Variants in ZC3H7B observed in about 807,000 individuals in gnomAD.
ZC3H7B encodes the protein zinc finger CCCH-type containing 7B.
ZC3H7B carries 35 observed loss-of-function variants against 116.0 expected under a neutral mutation model. The observed-to-expected ratio is 0.30, with a 90% CI of 0.23 to 0.40. The LOEUF is 0.40. ZC3H7B is among the 10% of genes least tolerant of loss of function. ZC3H7B has a pLI of 1.00. For synonymous variants in ZC3H7B, 502 were observed against 545.6 expected (o/e 0.92, Z 1.11); for missense variants, 1,011 against 1,321.5 (o/e 0.77, Z 3.64).
At chr22:41,306,935 G>A (rs942945479) in intron 1 of ZC3H7B, among the ~76,000 whole-genome samples, 29 of 151,468 alleles carry the variant, frequency 1.9e-4, no homozygotes, top group African/African-American at 3.4e-4. Context: ...TGGGCTGTGC[G>A]TCAGCCCCCA....
Position 41,346,235 on chromosome 22 carries a change from C to G in ZC3H7B, c.1665+27C>G. 6.2e-7 allele frequency: 1 copy of G among 1,602,566 alleles called. No homozygotes were observed. The highest frequency in any genetic ancestry group is 8.5e-7 in the Non-Finnish European group (1 of 1,178,034). On this transcript the variant is annotated intron_variant, in intron 14 of 22. Coordinates refer to ENST00000352645, the MANE Select transcript of ZC3H7B (RefSeq NM_017590.6). The surrounding 1 kb of genome is among the most constrained non-coding windows in gnomAD (Gnocchi z 5.3). Reference sequence around the variant, plus strand: ...TACTGCCCACCCACCCACTGCCACCCCATAGGCCATGGCACAGACAGGGCT... The same window carrying G: ...TACTGCCCACCCACCCACTGCCACCGCATAGGCCATGGCACAGACAGGGCT...
At position 41,327,249 on chromosome 22, in the gene ZC3H7B, G is replaced by C; in HGVS notation, c.329G>C (p.Gly110Ala). ...KALEDSEKAL[G>A]LDSESIRALF... ...CTGGAGGACAGCGAGAAGGCGCTGG[G>C]CCTGGACAGTGAGAGTATCCGGGCG... Residue 110 changes from glycine to alanine, a missense_variant, in exon 5 of 23, where the codon GGC becomes GCC. Gly to Ala is a moderately conservative substitution (Grantham distance 60). Around this residue, in one of 5 missense-constraint regions of ZC3H7B, gnomAD observed 322 missense variants for 443.9 expected, o/e 0.73. Coordinates refer to ENST00000352645, the MANE Select transcript of ZC3H7B (RefSeq NM_017590.6). The surrounding 1 kb of genome is among the most constrained non-coding windows in gnomAD (Gnocchi z 4.5). 1 of 1,614,100 alleles carries C rather than the reference G, an allele frequency of 6.2e-7. No individual in the cohort carries two copies. Among genetic ancestry groups the C allele is most frequent in the Non-Finnish European group, 8.5e-7 (1 of 1,180,046 alleles).
chr22:41,338,236 C>G lies in ZC3H7B; in HGVS notation c.583-77C>G. 3 of 1,493,648 alleles carry G rather than the reference C, an allele frequency of 2.0e-6. No homozygotes were observed. Among genetic ancestry groups the G allele is most frequent in the Non-Finnish European group, 2.8e-6 (3 of 1,088,100 alleles). The allele number at this position is 1,493,648 out of a possible 1,614,324, so 92.5% of individuals were successfully genotyped here. A position where few individuals can be genotyped will look rare whatever the true frequency, so the allele number is the denominator to read the frequency against. On this transcript the variant is annotated intron_variant, in intron 7 of 22. Transcript: ENST00000352645. The surrounding 1 kb of genome is among the most constrained non-coding windows in gnomAD (Gnocchi z 4.5). ...CGGTGCTGGGTCAACAGCATAGTCACGTGGGGAGGGGCTGGTGCTGGGTGC... is the reference window on the plus strand; with the variant it reads ...CGGTGCTGGGTCAACAGCATAGTCAGGTGGGGAGGGGCTGGTGCTGGGTGC...
chr22:41,338,225 C>A lies in ZC3H7B; in HGVS notation c.583-88C>A. 1 of 1,422,144 alleles carries A rather than the reference C, an allele frequency of 7.0e-7. No homozygotes were observed. 88.1% of individuals were successfully genotyped at this position (1,422,144 alleles called of 1,614,324 possible). On this transcript the variant is annotated intron_variant, in intron 7 of 22. Transcript: ENST00000352645. The surrounding 1 kb of genome is among the most constrained non-coding windows in gnomAD (Gnocchi z 4.5). ...TAAGTGCTCCTCGGTGCTGGGTCAA[C>A]AGCATAGTCACGTGGGGAGGGGCTG...
At chr22:41,310,207 A>G (rs1213940394) in intron 1 of ZC3H7B, among the ~76,000 whole-genome samples, 1 of 152,128 alleles carries the variant, frequency 6.6e-6, no homozygotes, top group Non-Finnish European at 1.5e-5. Context: ...TCCGTAAATC[A>G]ACATTGAGTG....
chr22:41,342,775 G>T, intron 12 of ZC3H7B, 147 bp downstream of exon 12: 2 of 804,016 alleles, frequency 2.5e-6, no homozygotes, highest in East Asian at 2.7e-5. Flanking sequence ...AAAGGAAAGG[G>T]GCAGGAGTTT....
In ZC3H7B at chr22:41,343,580, G is replaced by A. The variant is rs369068790; in HGVS notation, c.1459+4G>A. 1 of 1,592,862 alleles carries A rather than the reference G, an allele frequency of 6.3e-7. No homozygotes were observed. The highest frequency in any genetic ancestry group is 1.3e-5 in the African/African-American group (1 of 74,636). ...GGCTCCTACTACCTGTGCAAAGGTG[G>A]GTGGGCTGCAGCGGGGCAGGCAGCA... On this transcript the variant is annotated splice_donor_region_variant and intron_variant, in intron 13 of 22. Coordinates refer to ENST00000352645, the MANE Select transcript of ZC3H7B (RefSeq NM_017590.6).
chr22:41,318,317 C>G (rs891540256), intron 1 of ZC3H7B, among the ~76,000 whole-genome samples: 9 of 152,130 alleles, frequency 5.9e-5, no homozygotes, highest in Non-Finnish European at 1.3e-4. Flanking sequence ...ATCACGAGCT[C>G]AGGAGATCAA....
In ZC3H7B at chr22:41,346,751, G is replaced by A. The variant is rs2145936162; in HGVS notation, c.1665+543G>A. Among the ~76,000 whole-genome samples the A allele has an allele frequency of 6.6e-6, 1 of 152,236 alleles. No homozygotes were observed. Among genetic ancestry groups the A allele is most frequent in the African/African-American group, 2.4e-5 (1 of 41,532 alleles). On this transcript the variant is annotated intron_variant, in intron 14 of 22. Coordinates refer to ENST00000352645, the MANE Select transcript of ZC3H7B (RefSeq NM_017590.6). The surrounding 1 kb of genome is among the most constrained non-coding windows in gnomAD (Gnocchi z 5.3). ...GAATCACTTGAACTGGGGAGGCAAA[G>A]GTTGCAGTGAGCCGAGATCGCGCAA...
chr22:41,344,572 G>A (rs561910041), intron 13 of ZC3H7B, among the ~76,000 whole-genome samples: 4 of 152,214 alleles, frequency 2.6e-5, no homozygotes, highest in South Asian at 2.1e-4. Context: ...CCTTCTCTGC[G>A]GTGCTTCCCC....
At chr22:41,320,611 C>T (rs2036243152) in intron 1 of ZC3H7B, 44 bp from the exon 2 acceptor site, 1 of 1,612,022 alleles carries the variant, frequency 6.2e-7, no homozygotes, top group Non-Finnish European at 8.5e-7. Context: ...TGACGGCAGC[C>T]TGGCTCTTGC....
In ZC3H7B at chr22:41,345,949, C is replaced by T. The variant is rs563236889; in HGVS notation, c.1460-54C>T. ...AGGCCGCAGCGGGGTGGCGAGGGTGCTGCGGGCTGCTATCCCCGCCTGGCG... is the reference window on the plus strand; with the variant it reads ...AGGCCGCAGCGGGGTGGCGAGGGTGTTGCGGGCTGCTATCCCCGCCTGGCG... On this transcript the variant is annotated intron_variant, in intron 13 of 22. Coordinates refer to ENST00000352645, the MANE Select transcript of ZC3H7B (RefSeq NM_017590.6). 14 of 1,587,846 alleles carry T rather than the reference C, an allele frequency of 8.8e-6. No individual in the cohort carries two copies. In the African/African-American group the frequency reaches 1.9e-4, roughly 21 times the overall value.
chr22:41,308,534 T>A (rs1442696299), intron 1 of ZC3H7B, among the ~76,000 whole-genome samples: 1 of 152,198 alleles, frequency 6.6e-6, no homozygotes, highest in Non-Finnish European at 1.5e-5. Flanking sequence ...TATTCCTGAA[T>A]CTTCTTCACT....
At chr22:41,348,938 C>A (rs2036622680) in intron 15 of ZC3H7B, among the ~76,000 whole-genome samples, 182 bp from the exon 16 acceptor site, 1 of 152,096 alleles carries the variant, frequency 6.6e-6, no homozygotes, top group Non-Finnish European at 1.5e-5. Context: ...GGACCCAGGC[C>A]CAGGGGTGCC....
intron 12 of ZC3H7B, 133 bp from the exon 13 acceptor site, chr22:41,343,282 G>A (rs2036543811): frequency 2.6e-6 from 3 of 1,169,366 alleles, no homozygotes; most frequent in Non-Finnish European, 3.6e-6. Context: ...TGTGGTGGGA[G>A]CTGGCAGGAG....
In ZC3H7B at chr22:41,338,343, G is replaced by T. The variant is rs1219999739; in HGVS notation, c.613G>T (p.Asp205Tyr). Residue 205 changes from aspartate (D) to tyrosine (Y), a missense_variant, in exon 8 of 23, where the codon GAC becomes TAC. Coordinates refer to ENST00000352645, the MANE Select transcript of ZC3H7B (RefSeq NM_017590.6). The surrounding 1 kb of genome is among the most constrained non-coding windows in gnomAD (Gnocchi z 4.5). ...TTCTAATGGATTGGGGTCCATAGAT[G>T]ACATCGAAACAGGTAATGTCCCCGA... ...GTSNGLGSID[D>Y]IETDCYVDPR... The T allele has an allele frequency of 6.2e-7, 1 of 1,613,656 alleles. No individual in the cohort carries two copies. Among genetic ancestry groups the T allele is most frequent in the African/African-American group, 1.3e-5 (1 of 74,880 alleles).
chr22:41,352,797 G>A (rs540008590), intron 17 of ZC3H7B, among the ~76,000 whole-genome samples: 1 of 152,032 alleles, frequency 6.6e-6, no homozygotes, highest in South Asian at 2.1e-4. Context: ...TCTTCAGGAG[G>A]CCTGGCGTGG....
intron 2 of ZC3H7B, 112 bp downstream of exon 2, chr22:41,320,825 G>T (rs2036246408): frequency 3.4e-6 from 5 of 1,458,884 alleles, no homozygotes; most frequent in Non-Finnish European, 4.8e-6. Flanking sequence ...TGCTGCCAAG[G>T]CTCCTGTGTG....
At position 41,351,717 on chromosome 22, in the gene ZC3H7B, C is replaced by G; in HGVS notation, c.2034+71C>G. The G allele has an allele frequency of 1.4e-6, 2 of 1,460,718 alleles. No homozygotes were observed. Among genetic ancestry groups the G allele is most frequent in the Non-Finnish European group, 9.4e-7 (1 of 1,067,266 alleles). The allele number at this position is 1,460,718 out of a possible 1,614,324, so 90.5% of individuals were successfully genotyped here. On this transcript the variant is annotated intron_variant, in intron 17 of 22. Transcript: ENST00000352645. This position sits in a 1 kb window ranked among gnomAD's most constrained non-coding sequence, Gnocchi z 5.1. ...TCCCCAAATTACAAACAGGAAGGCT[C>G]TAATTTTACAATAGAGAAATGTTTA...
Sources: gnomAD v4.1 joint callset for allele counts (sites outside exome capture counted in the v4.1 genomes callset) on GRCh38, gnomAD v4.1.1 for gene constraint, gnomAD v4.1.1 regional missense constraint, Gnocchi (gnomAD v3.1) non-coding constraint, MANE v1.5 for transcripts, NCBI Gene and HGNC (gene_info 2026-07-23, HGNC 2026-07-21) for gene names.